The following PPM1L variants were observed in gnomAD, a reference collection of about 807,000 sequenced individuals.
PPM1L encodes the protein protein phosphatase 1L.
A neutral mutation model predicts 31.4 loss-of-function variants in PPM1L; 13 were observed. The observed-to-expected ratio is 0.41, with a 90% CI of 0.27 to 0.66. The LOEUF (loss-of-function observed/expected upper bound fraction) is 0.66, where lower values mean the gene tolerates loss of function less well. Ranked by LOEUF, PPM1L falls within the 30% of genes least tolerant of loss-of-function variation. The probability of loss-of-function intolerance (pLI) is 0.29; values close to 1 mark genes in which losing one functional copy is unlikely to be tolerated. For missense variants in PPM1L, 326 were observed against 453.7 expected (o/e 0.72, Z 2.56); for synonymous variants, 184 against 175.4 (o/e 1.05, Z -0.39).
chr3:160,951,006 C>A (rs1174068527), intron 1 of PPM1L, among the ~76,000 whole-genome samples: 1 of 152,204 alleles, frequency 6.6e-6, no homozygotes, highest in Non-Finnish European at 1.5e-5. Flanking sequence ...AAACATAGTT[C>A]TCTCTGTAAA....
At chr3:160,959,422 C>T (rs931527957) in intron 1 of PPM1L, among the ~76,000 whole-genome samples, 6 of 152,162 alleles carry the variant, frequency 3.9e-5, no homozygotes, top group African/African-American at 1.4e-4. Context: ...AACCAAAAAC[C>T]ACCTGTTCCC....
intron 1 of PPM1L, among the ~76,000 whole-genome samples, chr3:160,799,447 T>G (rs1263086161): frequency 1.3e-5 from 2 of 152,274 alleles, no homozygotes; most frequent in Non-Finnish European, 2.9e-5. Context: ...TATCAGCATT[T>G]TAAAAGCAAT....
chr3:160,787,327 G>A (rs1187368540), intron 1 of PPM1L, among the ~76,000 whole-genome samples: 8 of 152,090 alleles, frequency 5.3e-5, no homozygotes, highest in Admixed American at 5.2e-4. Context: ...TCTTATTGTG[G>A]TTTTGATTTG....
chr3:160,921,069 T>C (rs1714386493), intron 1 of PPM1L, among the ~76,000 whole-genome samples: 1 of 152,224 alleles, frequency 6.6e-6, no homozygotes, highest in Admixed American at 6.5e-5. Context: ...CAAAACTCAT[T>C]GAAACTCCTG....
intron 2 of PPM1L, chr3:161,022,008 C>G (rs1219596628): frequency 2.4e-5 from 11 of 449,120 alleles, no homozygotes; most frequent in Non-Finnish European, 4.3e-5. Flanking sequence ...AGGTAATTAC[C>G]TACAAGTTAA....
chr3:160,757,314 C>T (rs1330996279), intron 1 of PPM1L, among the ~76,000 whole-genome samples: 1 of 152,238 alleles, frequency 6.6e-6, no homozygotes, highest in African/African-American at 2.4e-5. Context: ...CCTCGCTGGC[C>T]GCTTGTTTTC....
At chr3:160,787,922 A>G (rs1457253026) in intron 1 of PPM1L, among the ~76,000 whole-genome samples, 1 of 151,942 alleles carries the variant, frequency 6.6e-6, no homozygotes, top group Admixed American at 6.6e-5. Context: ...TGAGATGGTT[A>G]TAGGTGTGTG....
chr3:161,014,147 G>T (rs1326779720), intron 2 of PPM1L, among the ~76,000 whole-genome samples: 6 of 152,238 alleles, frequency 3.9e-5, no homozygotes, highest in African/African-American at 1.4e-4. Context: ...GCATGTTTTT[G>T]CAGTGGCTGG....
At chr3:161,011,044 G>T (rs1044584956) in intron 2 of PPM1L, among the ~76,000 whole-genome samples, 2 of 152,082 alleles carry the variant, frequency 1.3e-5, no homozygotes, top group Non-Finnish European at 2.9e-5. Context: ...GTCAATTTTG[G>T]CTTTTGTTGC....
At chr3:161,011,681 C>T (rs1717900837) in intron 2 of PPM1L, among the ~76,000 whole-genome samples, 1 of 152,182 alleles carries the variant, frequency 6.6e-6, no homozygotes, top group South Asian at 2.1e-4. Context: ...TTTGTATCCT[C>T]TTTTATTTCG....
chr3:161,043,436 C>T (rs565474828), intron 2 of PPM1L, among the ~76,000 whole-genome samples: 1 of 152,250 alleles, frequency 6.6e-6, no homozygotes, highest in South Asian at 2.1e-4. Flanking sequence ...CTCAAGTGTT[C>T]ATTTAAACGT....
At chr3:160,973,766 T>TTTTTTTTTTG (rs1716440111) in intron 2 of PPM1L, among the ~76,000 whole-genome samples, 3 of 41,314 alleles carry the variant, frequency 7.3e-5, no homozygotes, top group Non-Finnish European at 1.2e-4. Flanking sequence ...AAGGCCCTGT[T>TTTTTTTTTTG]TTTTTTTTTT....
At chr3:160,835,470 C>G (rs1365305793) in intron 1 of PPM1L, among the ~76,000 whole-genome samples, 1 of 151,878 alleles carries the variant, frequency 6.6e-6, no homozygotes, top group Admixed American at 6.6e-5. Flanking sequence ...CATAGCTCAC[C>G]CCAATATTTC....
chr3:160,863,700 T>G (rs1466536685), intron 1 of PPM1L, among the ~76,000 whole-genome samples: 1 of 152,172 alleles, frequency 6.6e-6, no homozygotes, highest in African/African-American at 2.4e-5. Context: ...CTTTAACAAT[T>G]TAAAATCAAT....
intron 1 of PPM1L, among the ~76,000 whole-genome samples, chr3:160,950,933 C>T (rs1715557629): frequency 1.3e-5 from 2 of 152,178 alleles, no homozygotes; most frequent in African/African-American, 4.8e-5. Context: ...AGCTCTATAG[C>T]CCAAGATTCA....
intron 1 of PPM1L, among the ~76,000 whole-genome samples, chr3:160,785,055 A>G (rs1406946064): frequency 6.6e-6 from 1 of 152,184 alleles, no homozygotes; most frequent in Non-Finnish European, 1.5e-5. Context: ...TTTGAAGACT[A>G]GCACTGGGGA....
intron 1 of PPM1L, among the ~76,000 whole-genome samples, chr3:160,764,674 G>T (rs1289594022): frequency 6.6e-6 from 1 of 152,000 alleles, no homozygotes; most frequent in African/African-American, 2.4e-5. Context: ...CACCATGTTG[G>T]CCAGGCTGGT....
chr3:161,053,216 T>G (rs1719325019), intron 2 of PPM1L, among the ~76,000 whole-genome samples: 1 of 152,252 alleles, frequency 6.6e-6, no homozygotes, highest in South Asian at 2.1e-4. Flanking sequence ...TATAAATTAA[T>G]TTCAGTAGCA....
chr3:160,814,981 A>G (rs1370653735), intron 1 of PPM1L, among the ~76,000 whole-genome samples: 2 of 152,042 alleles, frequency 1.3e-5, no homozygotes, highest in Non-Finnish European at 2.9e-5. Flanking sequence ...GAATGATACA[A>G]TGGACTTTCG....
Sources: allele counts gnomAD v4.1 joint callset (sites outside exome capture counted in the v4.1 genomes callset), GRCh38; gene constraint gnomAD v4.1.1; transcripts MANE v1.5; gene names NCBI Gene and HGNC (gene_info 2026-07-23, HGNC 2026-07-21).